KATNAL2: variants seen among roughly 807,000 people sequenced by gnomAD.
KATNAL2 encodes katanin catalytic subunit A1 like 2, also known as katanin p60 ATPase-containing subunit A-like 2.
A neutral mutation model predicts 76.3 loss-of-function variants in KATNAL2; 52 were observed. That is an observed-to-expected ratio of 0.68 (90% CI 0.55 to 0.86). KATNAL2 has a LOEUF of 0.86. Ranked by LOEUF, KATNAL2 falls within the 40% of genes least tolerant of loss-of-function variation. The pLI, the probability that KATNAL2 is intolerant of heterozygous loss-of-function variation, is 0.00. For synonymous variants in KATNAL2, 243 were observed against 244.2 expected, an observed-to-expected ratio of 1.00 and a Z score of 0.05; for missense variants, 660 against 668.9, an observed-to-expected ratio of 0.99 and a Z score of 0.15.
intron 6 of KATNAL2, chr18:47,054,717 A>G: frequency 2.8e-6 from 1 of 356,478 alleles, no homozygotes; most frequent in African/African-American, 2.1e-5. Flanking sequence ...AGGTTAAAAG[A>G]CCCAGGTTCA....
intron 15 of KATNAL2, among the ~76,000 whole-genome samples, chr18:47,096,917 T>C (rs2147412726): frequency 6.6e-6 from 1 of 152,150 alleles, no homozygotes. Flanking sequence ...GCGGGTGGAC[T>C]GCTTGAGCTC....
chr18:47,037,048 G>T (rs903934926), intron 3 of KATNAL2, among the ~76,000 whole-genome samples: 4 of 152,222 alleles, frequency 2.6e-5, no homozygotes, highest in Non-Finnish European at 5.9e-5. Flanking sequence ...ACATTTGAAA[G>T]AAGTGATGTA....
At chr18:47,036,256 A>G (rs1036682446) in intron 3 of KATNAL2, among the ~76,000 whole-genome samples, 4 of 152,228 alleles carry the variant, frequency 2.6e-5, no homozygotes, top group African/African-American at 9.6e-5. Flanking sequence ...TTGTTCAGTG[A>G]AATGCTACAG....
chr18:47,042,843 A>G, intron 3 of KATNAL2, among the ~76,000 whole-genome samples: 1 of 152,236 alleles, frequency 6.6e-6, no homozygotes, highest in East Asian at 1.9e-4. Flanking sequence ...AAATGAGAAC[A>G]TGAGAATTTC....
intron 3 of KATNAL2, among the ~76,000 whole-genome samples, chr18:47,042,798 T>C (rs535231636): frequency 6.6e-6 from 1 of 152,154 alleles, no homozygotes; most frequent in South Asian, 2.1e-4. Context: ...AATAGTGAAA[T>C]AATTTACCAA....
intron 15 of KATNAL2, chr18:47,098,656 G>T (rs1010356040): frequency 6.5e-6 from 1 of 154,962 alleles, no homozygotes; most frequent in African/African-American, 2.4e-5. Context: ...GTTTTGGGAG[G>T]AGTAAAAGTG....
rs532919721 is a variant in KATNAL2, at chr18:46,935,666, C to A, written c.-509-10391C>A. Reference sequence around the variant, plus strand: ...GGCATGGTGGCTCACACCTGTAATCCCAGCACTTTGGGAGGGTGAGGTAGG... The same window carrying A: ...GGCATGGTGGCTCACACCTGTAATCACAGCACTTTGGGAGGGTGAGGTAGG... On this transcript the variant is annotated intron_variant, in intron 1 of 17. Coordinates refer to ENST00000683218, the MANE Select transcript of KATNAL2 (RefSeq NM_001387690.1). 1.2e-4 allele frequency among the ~76,000 whole-genome samples: 18 copies of A among 152,076 alleles called. 1 individual carries two copies. The East Asian group carries it at 2.3e-3, about 20-fold the overall frequency.
At chr18:46,937,480 G>A (rs966176918) in intron 1 of KATNAL2, among the ~76,000 whole-genome samples, 1 of 151,906 alleles carries the variant, frequency 6.6e-6, no homozygotes, top group Non-Finnish European at 1.5e-5. Context: ...AGAACACTAG[G>A]TACAAACTAA....
chr18:47,060,504 G>A lies in KATNAL2; in HGVS notation c.549+850G>A, dbSNP rs377469983. Among the ~76,000 whole-genome samples the A allele has an allele frequency of 3.0e-4, 46 of 152,286 alleles. 1 individual carries two copies. The East Asian group carries it at 8.9e-3, about 29-fold the overall frequency. On this transcript the variant is annotated intron_variant, in intron 8 of 17. Transcript: ENST00000683218. Reference sequence around the variant, plus strand: ...TTTCTAAATAATAATGTCTTAAGCAGAAAAGACCCAGATTGGGTGGATGTA... The same window carrying A: ...TTTCTAAATAATAATGTCTTAAGCAAAAAAGACCCAGATTGGGTGGATGTA...
chr18:47,054,569 C>T (rs1223084738), intron 6 of KATNAL2, 131 bp downstream of exon 6: 10 of 847,938 alleles, frequency 1.2e-5, no homozygotes, highest in Admixed American at 4.4e-5. Context: ...TGACCTGGCC[C>T]AGCCCAGGAC....
At chr18:47,083,377 C>T (rs998890769) in intron 15 of KATNAL2, among the ~76,000 whole-genome samples, 7 of 152,192 alleles carry the variant, frequency 4.6e-5, no homozygotes, top group Non-Finnish European at 1.0e-4. Context: ...TCTAAAGACC[C>T]AGTCTTAAAA....
chr18:47,033,145 T>G, intron 3 of KATNAL2: 1 of 1,614,090 alleles, frequency 6.2e-7, no homozygotes, highest in Non-Finnish European at 8.5e-7. Flanking sequence ...GGCCCGCTTC[T>G]CAGGGAGCCA....
chr18:47,066,983 A>G (rs758457043), intron 10 of KATNAL2, 38 bp from the exon 11 acceptor site: 3 of 1,227,514 alleles, frequency 2.4e-6, no homozygotes, highest in East Asian at 4.8e-5. Context: ...GTAGAGGAAA[A>G]CATCAGTTTT....
At chr18:47,046,858 G>A (rs146183226) in intron 4 of KATNAL2, among the ~76,000 whole-genome samples, 1 of 152,210 alleles carries the variant, frequency 6.6e-6, no homozygotes, top group African/African-American at 2.4e-5. Flanking sequence ...TTGCCAATAT[G>A]GTACCATACA....
chr18:47,045,217 T>G (rs968233311), intron 3 of KATNAL2, among the ~76,000 whole-genome samples: 2 of 152,136 alleles, frequency 1.3e-5, no homozygotes, highest in Non-Finnish European at 2.9e-5. Context: ...TTTCAAATAT[T>G]TATATGCATA....
intron 3 of KATNAL2, among the ~76,000 whole-genome samples, chr18:47,042,348 A>G (rs1289138598): frequency 6.6e-6 from 1 of 152,202 alleles, no homozygotes; most frequent in Non-Finnish European, 1.5e-5. Flanking sequence ...ATTTTGAAAC[A>G]CAGGTTGCCT....
chr18:47,035,684 A>G (rs1317936270), intron 3 of KATNAL2: 5 of 310,920 alleles, frequency 1.6e-5, no homozygotes, highest in East Asian at 8.0e-5. Context: ...GACAATCGGG[A>G]CGGTCCACGC....
chr18:46,932,636 T>G (rs1451253531), intron 1 of KATNAL2, among the ~76,000 whole-genome samples: 1 of 121,168 alleles, frequency 8.3e-6, no homozygotes, highest in Non-Finnish European at 1.6e-5. Flanking sequence ...ATCGTGCCAC[T>G]GCACTCTAGC....
At chr18:47,066,215 C>A (rs1599732640) in intron 10 of KATNAL2, among the ~76,000 whole-genome samples, 1 of 152,028 alleles carries the variant, frequency 6.6e-6, no homozygotes, top group East Asian at 1.9e-4. Flanking sequence ...GGAAAGAAGG[C>A]TTTTCAGGCT....
Sources: allele counts gnomAD v4.1 joint callset (sites outside exome capture counted in the v4.1 genomes callset), GRCh38; gene constraint gnomAD v4.1.1; transcripts MANE v1.5; gene names NCBI Gene and HGNC (gene_info 2026-07-23, HGNC 2026-07-21).